The following BTBD9 variants were observed in gnomAD, a reference collection of about 807,000 sequenced individuals.
The protein encoded by BTBD9 is BTB/POZ domain-containing protein 9.
Under a neutral mutation model 64.3 loss-of-function variants are expected in BTBD9, and 49 were observed. That is an observed-to-expected ratio of 0.76 (90% confidence interval 0.61 to 0.97). The LOEUF (loss-of-function observed/expected upper bound fraction) is 0.97, where lower values mean the gene tolerates loss of function less well. Among genes scored for constraint, BTBD9 ranks in the 50% least tolerant of loss-of-function variants. The pLI is 0.00. For synonymous variants in BTBD9, 260 were observed against 274.7 expected, an observed-to-expected ratio of 0.95 and a Z score of 0.53; for missense variants, 598 against 762.1, an observed-to-expected ratio of 0.78 and a Z score of 2.53.
intron 6 of BTBD9, among the ~76,000 whole-genome samples, chr6:38,563,431 G>A (rs1181517399): frequency 6.6e-6 from 1 of 152,138 alleles, no homozygotes; most frequent in Non-Finnish European, 1.5e-5. Flanking sequence ...TGCTACAACA[G>A]AGGTCTCCCA....
In BTBD9 at chr6:38,288,350, G is replaced by A; in HGVS notation, c.1376C>T (p.Ser459Phe). ...TCCTAGCTGGTGACATGTGTAGCCA[G>A]AATCCCAGTCATAATTCTTAGTGTC... ...NGDTKNYDWD[S>F]GYTCHQLGSG... is the part of the protein sequence containing the mutation. Residue 459 changes from serine to phenylalanine, a missense_variant, in exon 8 of 11, where the codon TCT becomes TTT. By Grantham distance (155) the Ser-to-Phe change is radical. Coordinates refer to ENST00000481247, the MANE Select transcript of BTBD9 (RefSeq NM_001099272.2). 1 of 1,614,110 alleles carries A rather than the reference G, an allele frequency of 6.2e-7. No individual in the cohort carries two copies. Among genetic ancestry groups the A allele is most frequent in the Non-Finnish European group, 8.5e-7 (1 of 1,180,010 alleles).
At chr6:38,210,128 C>T (rs1250814828) in intron 9 of BTBD9, among the ~76,000 whole-genome samples, 2 of 152,140 alleles carry the variant, frequency 1.3e-5, no homozygotes. Context: ...CCAGCCCCAA[C>T]CTTGCTCCCA....
At chr6:38,539,322 T>G (rs1344896153) in intron 6 of BTBD9, among the ~76,000 whole-genome samples, 1 of 152,206 alleles carries the variant, frequency 6.6e-6, no homozygotes, top group Non-Finnish European at 1.5e-5. Flanking sequence ...TTCAACCCAA[T>G]AATACCAACT....
intron 6 of BTBD9, among the ~76,000 whole-genome samples, chr6:38,409,971 C>T (rs1767337941): frequency 6.6e-6 from 1 of 152,094 alleles, no homozygotes; most frequent in Admixed American, 6.5e-5. Context: ...CTAGCATGAA[C>T]CCAATTCTGT....
At chr6:38,628,368 C>T (rs957462488) in intron 1 of BTBD9, among the ~76,000 whole-genome samples, 3 of 152,318 alleles carry the variant, frequency 2.0e-5, no homozygotes, top group South Asian at 2.1e-4. Context: ...CAGGTCCCCA[C>T]GCTAACATTT....
At chr6:38,417,046 C>T (rs927151861) in intron 6 of BTBD9, among the ~76,000 whole-genome samples, 14 of 152,136 alleles carry the variant, frequency 9.2e-5, no homozygotes, top group African/African-American at 2.9e-4. Flanking sequence ...AAACAAGGTG[C>T]TCTGCACCTC....
chr6:38,319,409 A>G (rs1562018568), intron 7 of BTBD9, among the ~76,000 whole-genome samples: 1 of 152,022 alleles, frequency 6.6e-6, no homozygotes, highest in Non-Finnish European at 1.5e-5. Context: ...ACCCAAAGCC[A>G]GCATGTCTTA....
At position 38,206,181 on chromosome 6, in the gene BTBD9, CAG is replaced by C. The variant is rs367830012; in HGVS notation, c.1563-13586_1563-13585del. ...TGGGGGAAGAATCAGTGATAGTACACAGAAAATTAATGAAGGATAGGTATACA... is the reference window on the plus strand; with the variant it reads ...TGGGGGAAGAATCAGTGATAGTACACAAAATTAATGAAGGATAGGTATACA... On this transcript the variant is annotated intron_variant, in intron 9 of 10. Transcript: ENST00000481247. 2.5e-3 allele frequency among the ~76,000 whole-genome samples: 385 copies of C among 151,382 alleles called. 3 individuals carry two copies. The highest frequency in any genetic ancestry group is 7.8e-3 in the African/African-American group (322 of 41,278).
chr6:38,509,465 T>C (rs192363870), intron 6 of BTBD9, among the ~76,000 whole-genome samples: 2 of 152,310 alleles, frequency 1.3e-5, no homozygotes, highest in African/African-American at 2.4e-5. Context: ...CTTGACCTTA[T>C]AAATACTGGC....
chr6:38,228,408 C>T (rs1763484101), intron 9 of BTBD9, among the ~76,000 whole-genome samples: 1 of 133,788 alleles, frequency 7.5e-6, no homozygotes, highest in East Asian at 2.3e-4. Context: ...GTATTATGGA[C>T]TTTGGGTACT....
intron 9 of BTBD9, among the ~76,000 whole-genome samples, chr6:38,207,087 C>T (rs1762681569): frequency 6.6e-6 from 1 of 152,182 alleles, no homozygotes; most frequent in African/African-American, 2.4e-5. Context: ...ATAGGGATTG[C>T]ACTGCAGCAT....
chr6:38,317,005 A>T (rs1763052711), intron 7 of BTBD9, among the ~76,000 whole-genome samples: 1 of 148,182 alleles, frequency 6.7e-6, no homozygotes, highest in Non-Finnish European at 1.5e-5. Flanking sequence ...TTAGTTTTTT[A>T]TTTTTTTTTT....
intron 8 of BTBD9, among the ~76,000 whole-genome samples, chr6:38,270,792 G>A (rs1421485250): frequency 1.3e-5 from 2 of 152,154 alleles, no homozygotes; most frequent in African/African-American, 2.4e-5. Flanking sequence ...CTCTCCTTGG[G>A]CCTCTGATGG....
rs548693231 is a variant in BTBD9 at position 38,579,726 on chromosome 6, G to A, written c.1034+492C>T. ...AAGTAAATAATGTTAACTCATGGTAGAATACAAAACGACTATTAAAAATAC... is the reference window on the plus strand; with the variant it reads ...AAGTAAATAATGTTAACTCATGGTAAAATACAAAACGACTATTAAAAATAC... On this transcript the variant is annotated intron_variant, in intron 5 of 10. Coordinates refer to ENST00000481247, the MANE Select transcript of BTBD9 (RefSeq NM_001099272.2). Among the ~76,000 whole-genome samples, 3 of 152,256 alleles carry A rather than the reference G, an allele frequency of 2.0e-5. No individual in the cohort carries two copies. The South Asian group carries it at 6.2e-4, about 32-fold the overall frequency.
chr6:38,324,481 TC>T (rs1209347539), intron 7 of BTBD9, among the ~76,000 whole-genome samples: 1 of 152,148 alleles, frequency 6.6e-6, no homozygotes, highest in Non-Finnish European at 1.5e-5. Flanking sequence ...ATTAGATTAT[TC>T]TGACTGAAGT....
intron 6 of BTBD9, among the ~76,000 whole-genome samples, chr6:38,518,579 A>G (rs1404162655): frequency 6.6e-6 from 1 of 152,216 alleles, no homozygotes; most frequent in East Asian, 1.9e-4. Context: ...AAGCTTATAT[A>G]ATGATGGCAG....
chr6:38,477,364 ATAC>A (rs1414765182), intron 6 of BTBD9, among the ~76,000 whole-genome samples: 2 of 152,242 alleles, frequency 1.3e-5, no homozygotes, highest in Non-Finnish European at 2.9e-5. Flanking sequence ...TAACATCGAA[ATAC>A]AATTGAATAG....
chr6:38,535,509 A>G (rs1773986313), intron 6 of BTBD9, among the ~76,000 whole-genome samples: 1 of 152,256 alleles, frequency 6.6e-6, no homozygotes, highest in South Asian at 2.1e-4. Context: ...TTACAATCCT[A>G]AAGTTTATAT....
At chr6:38,261,339 T>G (rs1764785394) in intron 8 of BTBD9, among the ~76,000 whole-genome samples, 1 of 152,204 alleles carries the variant, frequency 6.6e-6, no homozygotes, top group Non-Finnish European at 1.5e-5. Flanking sequence ...GAGGCTTTGA[T>G]GTATATCATA....
Sources: gnomAD v4.1 joint callset for allele counts (sites outside exome capture counted in the v4.1 genomes callset) on GRCh38, gnomAD v4.1.1 for gene constraint, MANE v1.5 for transcripts, NCBI Gene and HGNC (gene_info 2026-07-23, HGNC 2026-07-21) for gene names.